Variants in FBXL20 observed in about 807,000 individuals in gnomAD.
FBXL20 encodes F-box/LRR-repeat protein 20.
Under a neutral mutation model 64.0 loss-of-function variants are expected in FBXL20, and 11 were observed. The ratio of observed to expected loss-of-function variants is 0.17; its 90% CI spans 0.11 to 0.28. The LOEUF (loss-of-function observed/expected upper bound fraction) is 0.28, where lower values mean the gene tolerates loss of function less well. FBXL20 is among the 10% of genes least tolerant of loss of function. The probability of loss-of-function intolerance (pLI) is 1.00; values close to 1 mark genes in which losing one functional copy is unlikely to be tolerated. For missense variants in FBXL20, 303 were observed against 526.2 expected (o/e 0.58, Z 4.15); for synonymous variants, 184 against 189.0 (o/e 0.97, Z 0.22).
chr17:39,343,809 C>A (rs2047606049), intron 1 of FBXL20, among the ~76,000 whole-genome samples: 2 of 151,880 alleles, frequency 1.3e-5, no homozygotes, highest in Admixed American at 1.3e-4. Context: ...GATTCTCCTG[C>A]TTCAGTCTCC....
intron 1 of FBXL20, among the ~76,000 whole-genome samples, chr17:39,345,494 G>A (rs2047623514): frequency 6.6e-6 from 1 of 152,126 alleles, no homozygotes; most frequent in Non-Finnish European, 1.5e-5. Context: ...AAATGGTAGG[G>A]AAGTCACAGA....
chr17:39,315,866 A>AGAGAGAGAGAGAGAGAGC (rs1167410862), intron 2 of FBXL20, among the ~76,000 whole-genome samples: 5 of 132,656 alleles, frequency 3.8e-5, no homozygotes, highest in Non-Finnish European at 6.3e-5. Flanking sequence ...AGAGAGAGAG[A>AGAGAGAGAGAGAGAGAGC]GAGAGCAACT....
In FBXL20 at chr17:39,261,124, A is replaced by T. The variant is rs773512189; in HGVS notation, c.*336T>A. 2.3e-4 allele frequency: 50 copies of T among 221,222 alleles called. No homozygotes were observed. The highest frequency in any genetic ancestry group is 2.8e-4 in the Non-Finnish European group (31 of 109,092). The allele number at this position is 221,222 out of a possible 1,614,324, so 13.7% of individuals were successfully genotyped here. On this transcript the variant is annotated 3_prime_UTR_variant, in exon 15 of 15. Coordinates refer to ENST00000264658, the MANE Select transcript of FBXL20 (RefSeq NM_032875.3). ...AGAAACCCCTAGACAAAAATTTAAA[A>T]ACCACAGTAGCATTAACACGGGGTT...
At chr17:39,329,448 T>C (rs943664234) in intron 2 of FBXL20, among the ~76,000 whole-genome samples, 7 of 151,966 alleles carry the variant, frequency 4.6e-5, no homozygotes, top group African/African-American at 9.7e-5. Context: ...AGAAGAAAAA[T>C]ATTTTCCCCC....
Position 39,259,987 on chromosome 17 carries a change from AAAAAAAAAAAAAAAAAAAAG to A in FBXL20, c.*1453_*1472del, listed in dbSNP as rs2046731124. ...CAAGAGTGAGAACCCGTCTTAAAAA[AAAAAAAAAAAAAAAAAAAAG>A]ACTGGGGCAGAAAAGAGAGATGACT... On this transcript the variant is annotated 3_prime_UTR_variant, in exon 15 of 15. Transcript: ENST00000264658. 1 of 151,014 alleles carries A rather than the reference AAAAAAAAAAAAAAAAAAAAG, an allele frequency of 6.6e-6. No individual in the cohort carries two copies. The highest frequency in any genetic ancestry group is 2.4e-5 in the African/African-American group (1 of 41,146). 9.4% of individuals were successfully genotyped at this position (151,014 alleles called of 1,614,324 possible). A position where few individuals can be genotyped will look rare whatever the true frequency, so the allele number is the denominator to read the frequency against.
intron 1 of FBXL20, among the ~76,000 whole-genome samples, chr17:39,390,273 T>C (rs565243817): frequency 4.6e-5 from 7 of 151,924 alleles, no homozygotes; most frequent in Admixed American, 2.6e-4. Context: ...AATACAAAAA[T>C]TGGCCAGACG....
At position 39,277,694 on chromosome 17, in the gene FBXL20, C is replaced by G. The variant is rs985194395; in HGVS notation, c.697-2594G>C. ...GCTTGAACCCAGGAGGCAGAGGTTG[C>G]AGTGAGCCAAGATCATGTCATTGCA... is the stretch of plus-strand genomic sequence containing the variant. On this transcript the variant is annotated intron_variant, in intron 9 of 14. Coordinates refer to ENST00000264658, the MANE Select transcript of FBXL20 (RefSeq NM_032875.3). Among the ~76,000 whole-genome samples, 87 of 138,636 alleles carry G rather than the reference C, an allele frequency of 6.3e-4. 2 individuals carry two copies. Among genetic ancestry groups the G allele is most frequent in the Non-Finnish European group, 1.2e-3 (79 of 66,528 alleles). The allele number at this position is 138,636 out of a possible 152,430, so 91.0% of individuals were successfully genotyped here.
At chr17:39,383,958 G>A (rs1402903914) in intron 1 of FBXL20, among the ~76,000 whole-genome samples, 2 of 151,996 alleles carry the variant, frequency 1.3e-5, no homozygotes, top group Non-Finnish European at 2.9e-5. Context: ...TACAGGCCAG[G>A]CCTGGTGGCT....
At chr17:39,396,606 A>C (rs1048001257) in intron 1 of FBXL20, among the ~76,000 whole-genome samples, 1 of 151,278 alleles carries the variant, frequency 6.6e-6, no homozygotes, top group Non-Finnish European at 1.5e-5. Context: ...CAAAAAAAAA[A>C]AAAAAGAAAG....
rs778864264 is a variant in FBXL20, at chr17:39,297,209, AAAGT to A, written c.330-18_330-15del. On this transcript the variant is annotated splice_polypyrimidine_tract_variant and intron_variant, in intron 5 of 14. Transcript: ENST00000264658. ...TGTGCAAAGGTTCTTTGTAGGAAAG[AAAGT>A]AAGAGGTTTCAAATGAAATAGGCCA... The A allele has an allele frequency of 5.8e-5, 92 of 1,594,258 alleles. No individual in the cohort carries two copies. In the African/African-American group the frequency reaches 9.6e-4, roughly 17 times the overall value.
intron 1 of FBXL20, among the ~76,000 whole-genome samples, chr17:39,363,054 C>G (rs34821956): frequency 0.052 from 7,899 of 151,838 alleles, 666 homozygotes; most frequent in African/African-American, 0.18. Flanking sequence ...GGCTGGAGTG[C>G]AATGGCACGC....
chr17:39,358,691 C>CA (rs1009218465), intron 1 of FBXL20, among the ~76,000 whole-genome samples: 5 of 150,182 alleles, frequency 3.3e-5, no homozygotes, highest in African/African-American at 9.8e-5. Flanking sequence ...CAAAAAAAAA[C>CA]AAAAAAACAA....
At chr17:39,386,956 TAAAGA>T (rs1387625770) in intron 1 of FBXL20, among the ~76,000 whole-genome samples, 2 of 152,180 alleles carry the variant, frequency 1.3e-5, no homozygotes, top group Non-Finnish European at 2.9e-5. Context: ...CCAGATCATG[TAAAGA>T]AAAGAATAAA....
chr17:39,316,836 A>C (rs1277918322), intron 2 of FBXL20, among the ~76,000 whole-genome samples: 2 of 152,190 alleles, frequency 1.3e-5, no homozygotes, highest in Admixed American at 1.3e-4. Flanking sequence ...GAAAATACTA[A>C]AAATGAGCCG....
intron 2 of FBXL20, among the ~76,000 whole-genome samples, chr17:39,319,701 A>G (rs1482720305): frequency 6.8e-6 from 1 of 147,476 alleles, no homozygotes; most frequent in African/African-American, 2.5e-5. Flanking sequence ...AAAAAACTAT[A>G]GCAGAGGGCA....
In FBXL20 at chr17:39,260,635, ATGTT is replaced by A. The variant is rs2046737005; in HGVS notation, c.*821_*824del. The A allele has an allele frequency of 6.6e-6, 1 of 152,614 alleles. No individual in the cohort carries two copies. Among genetic ancestry groups the A allele is most frequent in the South Asian group, 2.1e-4 (1 of 4,836 alleles). 9.5% of individuals were successfully genotyped at this position (152,614 alleles called of 1,614,324 possible). ...TTTATTGATAATATCTTTTTAAAAA[ATGTT>A]TGGTAATCCCAACTAATCATTCAAA... On this transcript the variant is annotated 3_prime_UTR_variant, in exon 15 of 15. Coordinates refer to ENST00000264658, the MANE Select transcript of FBXL20 (RefSeq NM_032875.3).
intron 1 of FBXL20, among the ~76,000 whole-genome samples, chr17:39,391,016 T>C (rs2338798): frequency 0.39 from 59,525 of 152,062 alleles, 15,305 homozygotes; most frequent in African/African-American, 0.73. Context: ...GCACTCCAGC[T>C]TGTGCGACAG....
chr17:39,261,448 C>T lies in FBXL20; in HGVS notation c.*12G>A. 1.9e-6 allele frequency: 3 copies of T among 1,605,950 alleles called. No individual in the cohort carries two copies. Among genetic ancestry groups the T allele is most frequent in the Non-Finnish European group, 2.6e-6 (3 of 1,172,640 alleles). ...TAAATACTCAGTTCGCCAAGGTTGA[C>T]CACCTCCATTGTCATAGGATGATGC... On this transcript the variant is annotated 3_prime_UTR_variant, in exon 15 of 15. Coordinates refer to ENST00000264658, the MANE Select transcript of FBXL20 (RefSeq NM_032875.3).
At chr17:39,276,685 G>A (rs1028341005) in intron 9 of FBXL20, among the ~76,000 whole-genome samples, 5 of 152,072 alleles carry the variant, frequency 3.3e-5, no homozygotes, top group African/African-American at 9.7e-5. Flanking sequence ...GATTACAGGC[G>A]TGGGCCACCA....
Sources: allele counts gnomAD v4.1 joint callset (sites outside exome capture counted in the v4.1 genomes callset), GRCh38; gene constraint gnomAD v4.1.1; transcripts MANE v1.5; gene names NCBI Gene and HGNC (gene_info 2026-07-23, HGNC 2026-07-21).